The following MLLT1 variants were observed in gnomAD, a reference collection of about 807,000 sequenced individuals.
The protein encoded by MLLT1 is MLLT1 super elongation complex subunit, also known as protein ENL.
In MLLT1, 11 loss-of-function variants were observed where a neutral mutation model predicts 55.1. That is an observed-to-expected ratio of 0.20 (90% CI 0.13 to 0.33). The LOEUF is 0.33. Among genes scored for constraint, MLLT1 ranks in the 10% least tolerant of loss-of-function variants. The pLI is 1.00. For synonymous variants in MLLT1, 323 were observed against 320.1 expected, an observed-to-expected ratio of 1.01 and a Z score of -0.10; for missense variants, 536 against 760.6, an observed-to-expected ratio of 0.70 and a Z score of 3.47.
In MLLT1 at chr19:6,227,243, C is replaced by A; in HGVS notation, c.421-141G>T. 1 of 857,874 alleles carries A rather than the reference C, an allele frequency of 1.2e-6. No individual in the cohort carries two copies. Among genetic ancestry groups the A allele is most frequent in the Non-Finnish European group, 1.7e-6 (1 of 582,756 alleles). The allele number at this position is 857,874 out of a possible 1,614,324, so 53.1% of individuals were successfully genotyped here. On this transcript the variant is annotated intron_variant, in intron 4 of 11. Transcript: ENST00000252674. The surrounding 1 kb of genome is among the most constrained non-coding windows in gnomAD (Gnocchi z 5.1). ...CGCTTTCCCGAAAGAATCCCAGGTG[C>A]TTCCCTGCTGGGGACTGGGTGCTGA...
intron 6 of MLLT1, among the ~76,000 whole-genome samples, chr19:6,220,092 T>C (rs13346047): frequency 0.13 from 20,402 of 152,212 alleles, 3,182 homozygotes; most frequent in African/African-American, 0.38. Flanking sequence ...GGAGCTCGGC[T>C]CGGGGACTCG....
At chr19:6,213,497 C>T (rs1029659779) in intron 10 of MLLT1, 89 bp from the exon 11 acceptor site, 1 of 1,226,140 alleles carries the variant, frequency 8.2e-7, no homozygotes, top group Admixed American at 1.7e-5. Context: ...CCCAGTCCAT[C>T]CCAGCACAGG....
intron 5 of MLLT1, among the ~76,000 whole-genome samples, chr19:6,223,637 G>A (rs1235310174): frequency 2.6e-5 from 4 of 152,190 alleles, no homozygotes; most frequent in Admixed American, 2.6e-4. Flanking sequence ...CAGTGTGGGG[G>A]CTGCCAGCAC....
At position 6,256,989 on chromosome 19, in the gene MLLT1, T is replaced by C. The variant is rs141781150; in HGVS notation, c.276+5239A>G. 3.4e-3 allele frequency among the ~76,000 whole-genome samples: 523 copies of C among 152,264 alleles called. No homozygotes were observed. The highest frequency in any genetic ancestry group is 0.01 in the Middle Eastern group (3 of 294). ...ACCTGGAAAACCACATGCAAAAGAATACTGTTAGACCCCCACTTCACTTCA... is the reference window on the plus strand; with the variant it reads ...ACCTGGAAAACCACATGCAAAAGAACACTGTTAGACCCCCACTTCACTTCA... On this transcript the variant is annotated intron_variant, in intron 3 of 11. Transcript: ENST00000252674. This position sits in a 1 kb window ranked among gnomAD's most constrained non-coding sequence, Gnocchi z 4.1.
intron 3 of MLLT1, among the ~76,000 whole-genome samples, chr19:6,249,109 G>A (rs1209758258): frequency 9.2e-5 from 14 of 152,038 alleles, no homozygotes; most frequent in Admixed American, 9.2e-4. Context: ...ATTGAGACGT[G>A]CAGCAAGTAT....
At chr19:6,266,819 A>G (rs925690318) in intron 2 of MLLT1, among the ~76,000 whole-genome samples, 8 of 152,196 alleles carry the variant, frequency 5.3e-5, no homozygotes, top group Non-Finnish European at 7.3e-5. Flanking sequence ...AAACAAGAAA[A>G]TAAACCAAAA....
At chr19:6,259,812 A>AAAAAAAAAC (rs2091288069) in intron 3 of MLLT1, 1 of 151,510 alleles carries the variant, frequency 6.6e-6, no homozygotes, top group African/African-American at 2.4e-5. Flanking sequence ...AAAAAAAAAA[A>AAAAAAAAAC]AAAAAAAACA....
In MLLT1 at chr19:6,229,733, G is replaced by C. The variant is rs1396487090; in HGVS notation, c.420+837C>G. On this transcript the variant is annotated intron_variant, in intron 4 of 11. Transcript: ENST00000252674. The surrounding 1 kb of genome is among the most constrained non-coding windows in gnomAD (Gnocchi z 5.2). Reference sequence around the variant, plus strand: ...CACCACACCCCTACATGCCACACATGCCACACACTGTACATGCCACACCCC... The same window carrying C: ...CACCACACCCCTACATGCCACACATCCCACACACTGTACATGCCACACCCC... 6.7e-6 allele frequency among the ~76,000 whole-genome samples: 1 copy of C among 150,086 alleles called. No individual in the cohort carries two copies. The highest frequency in any genetic ancestry group is 1.5e-5 in the Non-Finnish European group (1 of 67,448).
chr19:6,220,043 A>G (rs1049555796), intron 6 of MLLT1, among the ~76,000 whole-genome samples: 7 of 152,220 alleles, frequency 4.6e-5, no homozygotes, highest in African/African-American at 1.7e-4. Context: ...CAGATCCCCA[A>G]GGGCCAGGGA....
chr19:6,243,930 G>A (rs2091141107), intron 3 of MLLT1, among the ~76,000 whole-genome samples: 1 of 151,608 alleles, frequency 6.6e-6, no homozygotes, highest in Admixed American at 6.6e-5. Flanking sequence ...TGTAGTCCCA[G>A]CCACTCGGGA....
chr19:6,279,548 T>G (rs1404808326), intron 1 of MLLT1, among the ~76,000 whole-genome samples: 1 of 151,456 alleles, frequency 6.6e-6, no homozygotes, highest in African/African-American at 2.4e-5. Context: ...CCCAAGGGGC[T>G]CCGGGCCCGG....
chr19:6,216,415 TC>T lies in MLLT1; in HGVS notation c.1296del (p.Arg433GlyfsTer5). The part of the protein sequence containing the change: ...GEEAAGKTNP[G>X]RDSRLSFSDS... ...CCACCGGGCCGTCACCTGGAGTCCC[TC>T]CCCGGGTTGGTCTTGCCGGCAGCCT... On this transcript the variant is annotated frameshift_variant, in exon 8 of 12. Coordinates refer to ENST00000252674, the MANE Select transcript of MLLT1 (RefSeq NM_005934.4). LOFTEE classifies it high-confidence loss of function. 1.2e-6 allele frequency: 2 copies of T among 1,604,992 alleles called. No individual in the cohort carries two copies. Among genetic ancestry groups the T allele is most frequent in the South Asian group, 1.1e-5 (1 of 89,628 alleles).
intron 2 of MLLT1, among the ~76,000 whole-genome samples, chr19:6,266,090 G>C (rs146284938): frequency 6.6e-6 from 1 of 151,762 alleles, no homozygotes; most frequent in Non-Finnish European, 1.5e-5. Context: ...ACCAACTTGG[G>C]CAACATGGTG....
At chr19:6,213,659 C>T (rs2090804333) in intron 10 of MLLT1, 67 bp downstream of exon 10, 2 of 1,449,746 alleles carry the variant, frequency 1.4e-6, no homozygotes, top group East Asian at 4.5e-5. Context: ...TGGGGTCCTC[C>T]ACTGGCTGCA....
chr19:6,227,071 A>G lies in MLLT1; in HGVS notation c.452T>C (p.Val151Ala). ...VMVMPEGADT[V>A]SRPSPDYPML... Reference sequence around the variant, plus strand: ...GGGGTAGTCGGGACTGGGCCTGGACACCGTGTCTGCTCCTTCGGGCATTAC... The same window carrying G: ...GGGGTAGTCGGGACTGGGCCTGGACGCCGTGTCTGCTCCTTCGGGCATTAC... The change falls in exon 5 of 12, where the codon GTG (valine) becomes GCG (alanine). Residue 151 changes from valine to alanine, a missense_variant. Around this residue, in one of 3 missense-constraint regions of MLLT1, gnomAD observed 449 missense variants for 489.0 expected, o/e 0.92. Transcript: ENST00000252674. This position sits in a 1 kb window ranked among gnomAD's most constrained non-coding sequence, Gnocchi z 5.1. The G allele has an allele frequency of 6.2e-7, 1 of 1,604,208 alleles. No homozygotes were observed. Among genetic ancestry groups the G allele is most frequent in the East Asian group, 2.3e-5 (1 of 43,608 alleles).
intron 6 of MLLT1, among the ~76,000 whole-genome samples, chr19:6,220,097 G>T (rs1420053463): frequency 6.6e-6 from 1 of 152,260 alleles, no homozygotes; most frequent in Admixed American, 6.5e-5. Flanking sequence ...TCGGCTCGGG[G>T]ACTCGGCCCA....
chr19:6,215,696 G>A (rs1177111743), intron 8 of MLLT1, among the ~76,000 whole-genome samples: 2 of 152,224 alleles, frequency 1.3e-5, no homozygotes, highest in African/African-American at 4.8e-5. Flanking sequence ...GAGCCACTGA[G>A]GCCTGGAGGC....
intron 2 of MLLT1, among the ~76,000 whole-genome samples, chr19:6,265,364 G>A (rs564460655): frequency 6.6e-6 from 1 of 152,238 alleles, no homozygotes; most frequent in South Asian, 2.1e-4. Flanking sequence ...TGAGCATCAT[G>A]TCAGCACTCA....
chr19:6,274,688 G>A (rs1157436163), intron 1 of MLLT1, among the ~76,000 whole-genome samples: 4 of 152,132 alleles, frequency 2.6e-5, no homozygotes, highest in African/African-American at 4.8e-5. Flanking sequence ...GCACCTCTGG[G>A]ACCACCCTGA....
Sources: gnomAD v4.1 joint callset for allele counts (sites outside exome capture counted in the v4.1 genomes callset) on GRCh38, gnomAD v4.1.1 for gene constraint, gnomAD v4.1.1 regional missense constraint, Gnocchi (gnomAD v3.1) non-coding constraint, MANE v1.5 for transcripts, NCBI Gene and HGNC (gene_info 2026-07-23, HGNC 2026-07-21) for gene names.